The following CAMTA1 variants were observed in gnomAD, a reference collection of about 807,000 sequenced individuals.
The protein encoded by CAMTA1 is calmodulin-binding transcription activator 1.
CAMTA1 carries 27 observed loss-of-function variants against 170.9 expected under a neutral mutation model. The ratio of observed to expected loss-of-function variants is 0.16; its 90% CI spans 0.12 to 0.22. The LOEUF is 0.22. Among genes scored for constraint, CAMTA1 ranks in the 10% least tolerant of loss-of-function variants. The probability of loss-of-function intolerance (pLI) is 1.00; values close to 1 mark genes in which losing one functional copy is unlikely to be tolerated. For synonymous variants in CAMTA1, 833 were observed against 891.5 expected (o/e 0.93, Z 1.17); for missense variants, 1,619 against 2,217.2 (o/e 0.73, Z 5.42).
intron 6 of CAMTA1, among the ~76,000 whole-genome samples, chr1:7,518,056 C>T (rs557410444): frequency 2.0e-5 from 3 of 152,088 alleles, no homozygotes; most frequent in Admixed American, 1.3e-4. Flanking sequence ...GACAAGAGGA[C>T]ATATGAGTAG....
intron 3 of CAMTA1, among the ~76,000 whole-genome samples, chr1:7,036,670 C>T (rs369481290): frequency 2.0e-5 from 3 of 152,198 alleles, no homozygotes; most frequent in East Asian, 1.9e-4. Flanking sequence ...GGCTTGTTAT[C>T]TGAAGTTACT....
chr1:7,180,473 G>GA lies in CAMTA1; in HGVS notation c.303-69012dup, dbSNP rs201482969. Among the ~76,000 whole-genome samples, 873 of 135,392 alleles carry GA rather than the reference G, an allele frequency of 6.4e-3. 4 individuals carry two copies. The highest frequency in any genetic ancestry group is 0.023 in the African/African-American group (829 of 36,478). 88.8% of individuals were successfully genotyped at this position (135,392 alleles called of 152,430 possible). On this transcript the variant is annotated intron_variant, in intron 4 of 22. Coordinates refer to ENST00000303635, the MANE Select transcript of CAMTA1 (RefSeq NM_015215.4). ...TAAACCAATTTCCATAAAAGATCTA[G>GA]AAAAAATCCTGAAGGAACTACCCCA...
chr1:7,456,647 G>A lies in CAMTA1; in HGVS notation c.439-11183G>A, dbSNP rs1450476963. Reference sequence around the variant, plus strand: ...CAGAGAAAGCCTGTTCTTTGCTGGGGCCCGCAGGGAGCCAGGTATCAGGAC... The same window carrying A: ...CAGAGAAAGCCTGTTCTTTGCTGGGACCCGCAGGGAGCCAGGTATCAGGAC... On this transcript the variant is annotated intron_variant, in intron 5 of 22. Transcript: ENST00000303635. This position sits in a 1 kb window ranked among gnomAD's most constrained non-coding sequence, Gnocchi z 4.9. Among the ~76,000 whole-genome samples the A allele has an allele frequency of 6.6e-6, 1 of 152,226 alleles. No homozygotes were observed. Among genetic ancestry groups the A allele is most frequent in the African/African-American group, 2.4e-5 (1 of 41,470 alleles).
rs70987362 is a variant in CAMTA1, at chr1:7,680,861, CCAGCAG to C, written c.2914+3145_2914+3150del. On this transcript the variant is annotated intron_variant, in intron 11 of 22. Coordinates refer to ENST00000303635, the MANE Select transcript of CAMTA1 (RefSeq NM_015215.4). This position sits in a 1 kb window ranked among gnomAD's most constrained non-coding sequence, Gnocchi z 4.4. ...GAGAACACGCGCGCGCGCGCGCGCG[CCAGCAG>C]CAGCAGCAGCAGCAGCTGCTGCGGC... Among the ~76,000 whole-genome samples, 17 of 136,568 alleles carry C rather than the reference CCAGCAG, an allele frequency of 1.2e-4. No individual in the cohort carries two copies. Among genetic ancestry groups the C allele is most frequent in the East Asian group, 2.1e-4 (1 of 4,674 alleles). 89.6% of individuals were successfully genotyped at this position (136,568 alleles called of 152,430 possible).
rs1373852552 is a variant in CAMTA1 at position 7,635,136 on chromosome 1, C to T, written c.511-5264C>T. ...AGGGCTCATCTCCAAAGGTCACGAT[C>T]ACTTTGGGGGGTGACCCCTAGCATC... On this transcript the variant is annotated intron_variant, in intron 6 of 22. Coordinates refer to ENST00000303635, the MANE Select transcript of CAMTA1 (RefSeq NM_015215.4). The surrounding 1 kb of genome is among the most constrained non-coding windows in gnomAD (Gnocchi z 4.4). 2.0e-5 allele frequency among the ~76,000 whole-genome samples: 3 copies of T among 152,230 alleles called. No homozygotes were observed. Among genetic ancestry groups the T allele is most frequent in the African/African-American group, 7.2e-5 (3 of 41,456 alleles).
At chr1:7,238,028 A>G (rs1664201832) in intron 4 of CAMTA1, among the ~76,000 whole-genome samples, 1 of 152,232 alleles carries the variant, frequency 6.6e-6, no homozygotes, top group African/African-American at 2.4e-5. Context: ...TCTCACTCCA[A>G]ATCTCATAAT....
chr1:6,985,887 T>G (rs1328058694), intron 3 of CAMTA1, among the ~76,000 whole-genome samples: 1 of 152,172 alleles, frequency 6.6e-6, no homozygotes, highest in Non-Finnish European at 1.5e-5. Flanking sequence ...ACTCATAGAT[T>G]TATTATGCTT....
Position 7,299,363 on chromosome 1 carries a change from A to G in CAMTA1, c.438+49737A>G, listed in dbSNP as rs1026507229. Among the ~76,000 whole-genome samples the G allele has an allele frequency of 9.9e-5, 15 of 152,226 alleles. No homozygotes were observed. Among genetic ancestry groups the G allele is most frequent in the African/African-American group, 3.4e-4 (14 of 41,470 alleles). ...CTTTGACTCTGAAGCCAGTGCTGTC[A>G]GCAGTTTCTCCCCCTTAATGTAATG... On this transcript the variant is annotated intron_variant, in intron 5 of 22. Transcript: ENST00000303635. The surrounding 1 kb of genome is among the most constrained non-coding windows in gnomAD (Gnocchi z 4.7).
At chr1:7,610,272 G>A (rs140987660) in intron 6 of CAMTA1, among the ~76,000 whole-genome samples, 1 of 152,222 alleles carries the variant, frequency 6.6e-6, no homozygotes, top group Non-Finnish European at 1.5e-5. Context: ...TCTGGGTCCT[G>A]TTCTGTCCCT....
At chr1:7,365,546 C>G (rs530551326) in intron 5 of CAMTA1, among the ~76,000 whole-genome samples, 170 of 152,286 alleles carry the variant, frequency 1.1e-3, no homozygotes, top group Non-Finnish European at 1.9e-3. Context: ...TGGGTGTGGA[C>G]TTCCCTGGGC....
intron 3 of CAMTA1, among the ~76,000 whole-genome samples, chr1:6,977,365 C>T (rs906110565): frequency 2.6e-5 from 4 of 151,330 alleles, no homozygotes; most frequent in Non-Finnish European, 4.4e-5. Flanking sequence ...AGGAGTCTTG[C>T]TCTGTTGCTC....
rs765926770 is a variant in CAMTA1, at chr1:6,887,641, C to G, written c.234+62431C>G. ...GCGACGGTTTTGACCCATTTTACACCTATTTATTTCAGGCTCTCACCACAC... is the reference window on the plus strand; with the variant it reads ...GCGACGGTTTTGACCCATTTTACACGTATTTATTTCAGGCTCTCACCACAC... On this transcript the variant is annotated intron_variant, in intron 3 of 22. Transcript: ENST00000303635. The surrounding 1 kb of genome is among the most constrained non-coding windows in gnomAD (Gnocchi z 4.1). 1.3e-6 allele frequency: 2 copies of G among 1,534,868 alleles called. No individual in the cohort carries two copies. Among genetic ancestry groups the G allele is most frequent in the South Asian group, 2.4e-5 (2 of 83,986 alleles).
intron 16 of CAMTA1, among the ~76,000 whole-genome samples, chr1:7,743,789 T>G (rs1222201787): frequency 6.6e-6 from 1 of 152,042 alleles, no homozygotes; most frequent in Non-Finnish European, 1.5e-5. Context: ...AAAGAATATC[T>G]TAATCCAGAC....
At chr1:7,365,954 G>C (rs2085933035) in intron 5 of CAMTA1, among the ~76,000 whole-genome samples, 1 of 152,166 alleles carries the variant, frequency 6.6e-6, no homozygotes, top group Non-Finnish European at 1.5e-5. Context: ...CCCAACCTGG[G>C]GGTGTCCTCT....
chr1:6,926,464 C>CTT (rs200685301), intron 3 of CAMTA1, among the ~76,000 whole-genome samples: 1 of 133,092 alleles, frequency 7.5e-6, no homozygotes, highest in Admixed American at 7.4e-5. Flanking sequence ...TTCTTTCTTT[C>CTT]TTTCTTTCTT....
chr1:7,656,123 T>C (rs1244537214), intron 7 of CAMTA1, among the ~76,000 whole-genome samples: 1 of 152,232 alleles, frequency 6.6e-6, no homozygotes, highest in Non-Finnish European at 1.5e-5. Flanking sequence ...TATAAGCCAA[T>C]ACACTTGTGT....
At position 7,664,408 on chromosome 1, in the gene CAMTA1, GCCAGCAAACCCCTCC is replaced by G. The variant is rs1558084257; in HGVS notation, c.1864_1878del (p.Ser622_Pro626del). The G allele has an allele frequency of 6.2e-7, 1 of 1,613,468 alleles. No individual in the cohort carries two copies. The highest frequency in any genetic ancestry group is 1.1e-5 in the South Asian group (1 of 91,074). On this transcript the variant is annotated inframe_deletion, in exon 9 of 23. Coordinates refer to ENST00000303635, the MANE Select transcript of CAMTA1 (RefSeq NM_015215.4). ...CTCCCCGAGCTTCTTCCTGCAGGAC[GCCAGCAAACCCCTCC>G]CCGTCGAGCAGAACACCCACAGCAG...
chr1:7,104,314 C>G (rs1238882581), intron 4 of CAMTA1, among the ~76,000 whole-genome samples: 1 of 152,054 alleles, frequency 6.6e-6, no homozygotes, highest in Non-Finnish European at 1.5e-5. Flanking sequence ...GCATGCAGCA[C>G]AGAAACACAC....
At chr1:6,927,206 TTC>T (rs1683465539) in intron 3 of CAMTA1, among the ~76,000 whole-genome samples, 1 of 151,908 alleles carries the variant, frequency 6.6e-6, no homozygotes, top group Admixed American at 6.6e-5. Context: ...CATTCATTCA[TTC>T]ATTTATTTTG....
Sources: allele counts gnomAD v4.1 joint callset (sites outside exome capture counted in the v4.1 genomes callset), GRCh38; gene constraint gnomAD v4.1.1; non-coding constraint Gnocchi (gnomAD v3.1); transcripts MANE v1.5; gene names NCBI Gene and HGNC (gene_info 2026-07-23, HGNC 2026-07-21).